The following ST3GAL5 variants were observed in gnomAD, a reference collection of about 807,000 sequenced individuals.
ST3GAL5 encodes ST3 beta-galactoside alpha-2,3-sialyltransferase 5, also known as lactosylceramide alpha-2,3-sialyltransferase.
Under a neutral mutation model 46.1 loss-of-function variants are expected in ST3GAL5, and 25 were observed. The ratio of observed to expected loss-of-function variants is 0.54; its 90% confidence interval spans 0.40 to 0.76. ST3GAL5 has a LOEUF of 0.76. ST3GAL5 is among the 30% of genes least tolerant of loss of function. The pLI, the probability that ST3GAL5 is intolerant of heterozygous loss-of-function variation, is 0.00. For synonymous variants in ST3GAL5, 182 were observed against 192.7 expected (o/e 0.94, Z 0.46); for missense variants, 431 against 521.2 (o/e 0.83, Z 1.69).
At chr2:85,883,411 T>A (rs1324095968) in intron 1 of ST3GAL5, among the ~76,000 whole-genome samples, 1 of 152,236 alleles carries the variant, frequency 6.6e-6, no homozygotes, top group East Asian at 1.9e-4. Context: ...CCCAGCCACG[T>A]GGAACTGTAA....
intron 3 of ST3GAL5, chr2:85,852,764 A>C (rs1217316949): frequency 1.5e-6 from 1 of 665,918 alleles, no homozygotes; most frequent in Non-Finnish European, 2.3e-6. Flanking sequence ...AATAATCAGG[A>C]GATCTGGAGG....
intron 4 of ST3GAL5, chr2:85,847,622 C>A (rs898725862): frequency 7.9e-7 from 1 of 1,272,740 alleles, no homozygotes; most frequent in Non-Finnish European, 1.0e-6. Context: ...TTCGGAGAAA[C>A]CCCATCTCTA....
chr2:85,855,893 A>G (rs1684045185), intron 3 of ST3GAL5: 1 of 152,260 alleles, frequency 6.6e-6, no homozygotes. Flanking sequence ...CCACAATGAG[A>G]TATCACTTAA....
intron 1 of ST3GAL5, chr2:85,870,337 A>T: frequency 2.2e-6 from 1 of 444,772 alleles, no homozygotes; most frequent in South Asian, 1.6e-5. Context: ...AGGGTTTCGG[A>T]GGCGATGGTG....
rs373571836 is a variant in ST3GAL5 at position 85,847,979 on chromosome 2, C to T, written c.544G>A (p.Asp182Asn). 2.5e-5 allele frequency: 40 copies of T among 1,613,978 alleles called. No individual in the cohort carries two copies. Among genetic ancestry groups the T allele is most frequent in the Middle Eastern group, 1.6e-4 (1 of 6,084 alleles). Residue 182 changes from aspartate to asparagine, a missense_variant, in exon 4 of 7, where the codon GAC becomes AAC. By Grantham distance (23) the Asp-to-Asn change is conservative. Coordinates refer to ENST00000638572, the MANE Select transcript of ST3GAL5 (RefSeq NM_003896.4). ...TTGGCTTTCAAGTGTTCAGGGAGGT[C>T]GTGCTCTGGCAAGAGTTCCAAGAGG... ...QTLLELLPEH[D>N]LPEHLKAKTC...
intron 1 of ST3GAL5, 36 bp downstream of exon 1, chr2:85,888,788 C>T (rs1218318417): frequency 2.5e-6 from 3 of 1,183,296 alleles, no homozygotes; most frequent in South Asian, 8.1e-5. Flanking sequence ...AGCCCGCGGG[C>T]CCCCGCGACG....
At chr2:85,851,480 A>G (rs1683498340) in intron 3 of ST3GAL5, 2 of 1,272,490 alleles carry the variant, frequency 1.6e-6, no homozygotes, top group African/African-American at 3.0e-5. Flanking sequence ...TCAGAACAGG[A>G]GGACCACATG....
Position 85,838,077 on chromosome 2 carries a change from T to C in ST3GAL5, c.*2067A>G, listed in dbSNP as rs1319397247. On this transcript the variant is annotated 3_prime_UTR_variant, in exon 7 of 7. Coordinates refer to ENST00000638572, the MANE Select transcript of ST3GAL5 (RefSeq NM_003896.4). Reference sequence around the variant, plus strand: ...TTGAGAATGATCTCCAGCCAACTCCTATTGGCTGGTGGACTCTATAAAAGG... The same window carrying C: ...TTGAGAATGATCTCCAGCCAACTCCCATTGGCTGGTGGACTCTATAAAAGG... 1 of 152,234 alleles carries C rather than the reference T, an allele frequency of 6.6e-6. No homozygotes were observed. The highest frequency in any genetic ancestry group is 2.4e-5 in the African/African-American group (1 of 41,456). The allele number at this position is 152,234 out of a possible 1,614,324, so 9.4% of individuals were successfully genotyped here.
At chr2:85,870,120 TA>T (rs1685758056) in intron 1 of ST3GAL5, 1 of 448,564 alleles carries the variant, frequency 2.2e-6, no homozygotes, top group African/African-American at 2.0e-5. Context: ...CTTTTTTCTT[TA>T]TAACACTAAT....
intron 1 of ST3GAL5, among the ~76,000 whole-genome samples, chr2:85,864,942 C>T (rs1573658737): frequency 6.6e-6 from 1 of 152,218 alleles, no homozygotes; most frequent in East Asian, 1.9e-4. Context: ...TCTGGCTTCT[C>T]CTGTATCCCC....
chr2:85,847,567 A>G, intron 4 of ST3GAL5: 3 of 1,178,448 alleles, frequency 2.5e-6, no homozygotes, highest in Non-Finnish European at 2.1e-6. Context: ...TGAGTTCTAG[A>G]GGAGAAAGGT....
chr2:85,870,634 T>G (rs1685816677), intron 1 of ST3GAL5, among the ~76,000 whole-genome samples: 1 of 152,132 alleles, frequency 6.6e-6, no homozygotes, highest in South Asian at 2.1e-4. Context: ...TATGAAGAAA[T>G]AATTCTTTTT....
chr2:85,848,145 C>T lies in ST3GAL5; in HGVS notation c.378G>A (p.Lys126=), dbSNP rs756946690. Residue 126 remains lysine, a synonymous_variant, in exon 4 of 7, where the codon AAG becomes AAA. Transcript: ENST00000638572. Reference sequence around the variant, plus strand: ...GCTCAAATAACAGCGCCATTGATGTCTTGGCAAACTTGGGACGACATTCCT... The same window carrying T: ...GCTCAAATAACAGCGCCATTGATGTTTTGGCAAACTTGGGACGACATTCCT... ...LQKECRPKFA[K]TSMALLFEHR... The T allele has an allele frequency of 2.0e-5, 33 of 1,614,080 alleles. No individual in the cohort carries two copies. The South Asian group carries it at 3.6e-4, about 18-fold the overall frequency.
At chr2:85,887,679 G>C (rs1687901285) in intron 1 of ST3GAL5, 1 of 152,224 alleles carries the variant, frequency 6.6e-6, no homozygotes, top group South Asian at 2.1e-4. Flanking sequence ...ACCACAACCT[G>C]TCCTGACTGT....
At chr2:85,882,486 G>C (rs1334943581) in intron 1 of ST3GAL5, among the ~76,000 whole-genome samples, 1 of 152,186 alleles carries the variant, frequency 6.6e-6, no homozygotes, top group Non-Finnish European at 1.5e-5. Context: ...CTTACCTCTT[G>C]TATCAGCATG....
At chr2:85,850,921 C>CT (rs34082565) in intron 3 of ST3GAL5, 32,748 of 141,906 alleles carry the variant, frequency 0.23, 4,255 homozygotes, top group East Asian at 0.43. Flanking sequence ...CTTTTTTTTT[C>CT]TTTTTTTTTT....
chr2:85,888,644 G>T, intron 1 of ST3GAL5, 180 bp downstream of exon 1: 1 of 362,306 alleles, frequency 2.8e-6, no homozygotes, highest in Non-Finnish European at 4.5e-6. Context: ...CACGGCCCGG[G>T]ACCACGACCC....
rs1682812495 is a variant in ST3GAL5, at chr2:85,846,519, T to G, written c.707A>C (p.Asn236Thr). 6.2e-7 allele frequency: 1 copy of G among 1,614,218 alleles called. No homozygotes were observed. Among genetic ancestry groups the G allele is most frequent in the Admixed American group, 1.7e-5 (1 of 60,028 alleles). Reference protein sequence around the residue: ...PVEGYSEHVGNKTTIRMTYPE... With the variant: ...PVEGYSEHVGTKTTIRMTYPE... ...ATAAGTCATCCTTATAGTAGTTTTA[T>G]TTCCAACATGTTCTGAATATCCCTC... The change falls in exon 5 of 7, where the codon AAT (asparagine) becomes ACT (threonine). Residue 236 changes from asparagine to threonine, a missense_variant. Physicochemically the swap from Asn to Thr is moderately conservative, Grantham distance 65. Coordinates refer to ENST00000638572, the MANE Select transcript of ST3GAL5 (RefSeq NM_003896.4).
chr2:85,876,749 C>A (rs1308832343), intron 1 of ST3GAL5, among the ~76,000 whole-genome samples: 2 of 151,874 alleles, frequency 1.3e-5, no homozygotes, highest in South Asian at 2.1e-4. Flanking sequence ...TGAGCCACCA[C>A]GCCCGACCCT....
Sources: gnomAD v4.1 joint callset for allele counts (sites outside exome capture counted in the v4.1 genomes callset) on GRCh38, gnomAD v4.1.1 for gene constraint, MANE v1.5 for transcripts, NCBI Gene and HGNC (gene_info 2026-07-23, HGNC 2026-07-21) for gene names.